PSAP: variants seen among roughly 807,000 people sequenced by gnomAD.
PSAP encodes the protein precursor of saposins.
In PSAP, 25 loss-of-function variants were observed where a neutral mutation model predicts 66.0. The observed-to-expected ratio is 0.38, with a 90% confidence interval of 0.28 to 0.53. PSAP has a LOEUF of 0.53. Among genes scored for constraint, PSAP ranks in the 20% least tolerant of loss-of-function variants. The probability of loss-of-function intolerance (pLI) is 0.83; values close to 1 mark genes in which losing one functional copy is unlikely to be tolerated. For synonymous variants in PSAP, 273 were observed against 258.9 expected (o/e 1.05, Z -0.52); for missense variants, 649 against 668.8 (o/e 0.97, Z 0.33).
chr10:71,818,979 G>T, intron 12 of PSAP, 52 bp downstream of exon 12: 1 of 1,530,344 alleles, frequency 6.5e-7, no homozygotes, highest in Non-Finnish European at 9.0e-7. Context: ...GGTCTCTGCA[G>T]CCCCCCAGGT....
At chr10:71,825,264 T>C (rs1010686961) in intron 7 of PSAP, among the ~76,000 whole-genome samples, 2 of 152,186 alleles carry the variant, frequency 1.3e-5, no homozygotes, top group African/African-American at 2.4e-5. Context: ...AAGGAGGCAG[T>C]GCCCGTTCCC....
In PSAP at chr10:71,828,928, G is replaced by T. The variant is rs768320558; in HGVS notation, c.525C>A (p.Ile175=). ...TEVVAPFMAN[I]PLLLYPQDGP... is the part of the protein sequence containing the mutation. ...CGTCCTGAGGGTAGAGGAGGAGAGG[G>T]ATGTTGGCCATGAAGGGGGCCACCA... The change falls in exon 5 of 14, where the codon ATC becomes ATA. Residue 175 remains isoleucine (I), a synonymous_variant. Transcript: ENST00000394936. 3 of 1,614,146 alleles carry T rather than the reference G, an allele frequency of 1.9e-6. No homozygotes were observed. In the South Asian group the frequency reaches 3.3e-5, roughly 18 times the overall value.
chr10:71,819,304 G>A (rs1842242834), intron 11 of PSAP, 161 bp downstream of exon 11: 2 of 1,170,112 alleles, frequency 1.7e-6, no homozygotes, highest in Non-Finnish European at 2.5e-6. Flanking sequence ...GCTTCCCCCA[G>A]TGGCTCATCT....
In PSAP at chr10:71,816,812, C is replaced by G; in HGVS notation, c.*629G>C. 1 of 212,382 alleles carries G rather than the reference C, an allele frequency of 4.7e-6. No homozygotes were observed. The highest frequency in any genetic ancestry group is 1.1e-4 in the East Asian group (1 of 9,018). 13.2% of individuals were successfully genotyped at this position (212,382 alleles called of 1,614,324 possible). On this transcript the variant is annotated 3_prime_UTR_variant, in exon 14 of 14. Transcript: ENST00000394936. ...CATCACCAGGAAAGACACGGGAAAG[C>G]CAAATCACAGTTGAACCAGGGACAG...
intron 1 of PSAP, among the ~76,000 whole-genome samples, chr10:71,838,408 CG>C (rs1277791168): frequency 6.9e-6 from 1 of 145,040 alleles, no homozygotes; most frequent in Non-Finnish European, 1.5e-5. Flanking sequence ...GGATGAGTGA[CG>C]GGAGAAGGAA....
intron 1 of PSAP, among the ~76,000 whole-genome samples, chr10:71,834,964 C>T (rs954961500): frequency 6.6e-6 from 1 of 152,006 alleles, no homozygotes; most frequent in Non-Finnish European, 1.5e-5. Context: ...AGGCTGGGCA[C>T]GGTGGCTCAC....
chr10:71,831,388 G>A, intron 3 of PSAP, 137 bp from the exon 4 acceptor site: 1 of 1,136,802 alleles, frequency 8.8e-7, no homozygotes. Context: ...AAAGGACTTG[G>A]CCATGTTACC....
intron 11 of PSAP, 130 bp downstream of exon 11, chr10:71,819,335 A>G: frequency 7.2e-7 from 1 of 1,392,898 alleles, no homozygotes. Context: ...AATCACCTCC[A>G]AGTAAAACTT....
At chr10:71,833,988 C>T (rs967554978) in intron 2 of PSAP, among the ~76,000 whole-genome samples, 3 of 152,178 alleles carry the variant, frequency 2.0e-5, no homozygotes, top group East Asian at 3.8e-4. Flanking sequence ...AGGATAGAGC[C>T]GCGCCCATGT....
chr10:71,819,268 T>C (rs1193219972), intron 11 of PSAP, 157 bp from the exon 12 acceptor site: 1 of 1,011,260 alleles, frequency 9.9e-7, no homozygotes, highest in South Asian at 1.4e-5. Flanking sequence ...ACACCCTATC[T>C]ACATTTGGCC....
chr10:71,822,639 C>T (rs1564816833), intron 7 of PSAP: 1 of 472,064 alleles, frequency 2.1e-6, no homozygotes, highest in Non-Finnish European at 4.4e-6. Flanking sequence ...ACACAGAGCA[C>T]TAGATAGTCT....
chr10:71,848,628 C>T lies in PSAP; in HGVS notation c.40+2554G>A, dbSNP rs148998541. 2.3e-3 allele frequency among the ~76,000 whole-genome samples: 346 copies of T among 152,294 alleles called. 1 individual carries two copies. The highest frequency in any genetic ancestry group is 3.9e-3 in the Non-Finnish European group (267 of 68,028). ...CATCACTGAAACACAAAATACAAAG[C>T]CCATCCCGATTCAGGGTGGCATTCT... On this transcript the variant is annotated intron_variant, in intron 1 of 13. Transcript: ENST00000394936.
Position 71,816,309 on chromosome 10 carries a change from G to A in PSAP, c.*1132C>T, listed in dbSNP as rs1040580983. 3 of 457,020 alleles carry A rather than the reference G, an allele frequency of 6.6e-6. No individual in the cohort carries two copies. The highest frequency in any genetic ancestry group is 4.7e-5 in the Admixed American group (2 of 42,222). 28.3% of individuals were successfully genotyped at this position (457,020 alleles called of 1,614,324 possible). A position where few individuals can be genotyped will look rare whatever the true frequency, so the allele number is the denominator to read the frequency against. On this transcript the variant is annotated 3_prime_UTR_variant, in exon 14 of 14. Transcript: ENST00000394936. ...ACATTAGGCCCAGATCTGGCTAACA[G>A]AATTTTATTGTTAAATCACAGAAAC...
chr10:71,830,925 T>C (rs555786873), intron 4 of PSAP, among the ~76,000 whole-genome samples: 2 of 152,328 alleles, frequency 1.3e-5, no homozygotes, highest in African/African-American at 2.4e-5. Flanking sequence ...AGCCGCACCC[T>C]CGCTAACCCC....
chr10:71,847,453 T>C (rs4747208), intron 1 of PSAP, among the ~76,000 whole-genome samples: 84,324 of 151,768 alleles, frequency 0.56, 23,789 homozygotes, highest in Non-Finnish European at 0.6. Flanking sequence ...GAGGCAGAGG[T>C]GGGAAAATCG....
In PSAP at chr10:71,846,408, CATT is replaced by C. The variant is rs565076696; in HGVS notation, c.40+4771_40+4773del. Among the ~76,000 whole-genome samples, 513 of 144,768 alleles carry C rather than the reference CATT, an allele frequency of 3.5e-3. 1 individual carries two copies. Among genetic ancestry groups the C allele is most frequent in the African/African-American group, 0.011 (422 of 38,390 alleles). The allele number at this position is 144,768 out of a possible 152,430, so 95.0% of individuals were successfully genotyped here. The stretch of plus-strand genomic sequence containing the variant: ...TCATCCCAATCACTGTATTTATCAT[CATT>C]GTTTTAAAGCCCTTAAAAAAAAAAA... On this transcript the variant is annotated intron_variant, in intron 1 of 13. Transcript: ENST00000394936.
intron 1 of PSAP, among the ~76,000 whole-genome samples, chr10:71,840,815 G>C (rs538602335): frequency 3.3e-5 from 5 of 152,346 alleles, no homozygotes; most frequent in Non-Finnish European, 7.3e-5. Context: ...GAAGGCAACA[G>C]AGTCCTCAGG....
chr10:71,819,328 C>A, intron 11 of PSAP, 137 bp downstream of exon 11: 1 of 1,340,410 alleles, frequency 7.5e-7, no homozygotes, highest in Non-Finnish European at 1.0e-6. Context: ...GCCAACAAAT[C>A]ACCTCCAAGT....
In PSAP at chr10:71,817,401, C is replaced by A. The variant is rs368040369; in HGVS notation, c.*40G>T. The A allele has an allele frequency of 8.1e-5, 131 of 1,610,106 alleles. No homozygotes were observed. The highest frequency in any genetic ancestry group is 1.1e-4 in the Non-Finnish European group (124 of 1,176,382). ...CCCCAGACACACAAGTAGAAAAAAA[C>A]CAATGCTGTGGTTTCTGCCAAGATG... On this transcript the variant is annotated 3_prime_UTR_variant, in exon 14 of 14. Coordinates refer to ENST00000394936, the MANE Select transcript of PSAP (RefSeq NM_002778.4).
Sources: allele counts gnomAD v4.1 joint callset (sites outside exome capture counted in the v4.1 genomes callset), GRCh38; gene constraint gnomAD v4.1.1; transcripts MANE v1.5; gene names NCBI Gene and HGNC (gene_info 2026-07-23, HGNC 2026-07-21).